Variants in PTPRT observed in about 807,000 individuals in gnomAD.
PTPRT encodes the protein receptor-type tyrosine-protein phosphatase T.
Under a neutral mutation model 176.8 loss-of-function variants are expected in PTPRT, and 56 were observed. The observed-to-expected ratio is 0.32, with a 90% confidence interval of 0.26 to 0.40. The LOEUF (loss-of-function observed/expected upper bound fraction) is 0.40. Among genes scored for constraint, PTPRT ranks in the 10% least tolerant of loss-of-function variants. PTPRT has a pLI of 1.00. For missense variants in PTPRT, 1,540 were observed against 1,908.2 expected (o/e 0.81, Z 3.60); for synonymous variants, 783 against 739.0 (o/e 1.06, Z -0.96).
intron 14 of PTPRT, among the ~76,000 whole-genome samples, chr20:42,246,083 A>G (rs1234024752): frequency 6.6e-6 from 1 of 152,178 alleles, no homozygotes; most frequent in Admixed American, 6.5e-5. Flanking sequence ...TTTGAGGTAG[A>G]TGTAGACAGT....
intron 1 of PTPRT, among the ~76,000 whole-genome samples, chr20:43,061,087 A>AATGGATGGATGGATGG (rs3030304): frequency 1.0e-4 from 15 of 150,024 alleles, no homozygotes; most frequent in African/African-American, 1.7e-4. Context: ...CGGATAAATG[A>AATGGATGGATGGATGG]ATGGATGGAT....
intron 2 of PTPRT, among the ~76,000 whole-genome samples, chr20:42,823,464 C>A (rs1260493418): frequency 1.3e-5 from 2 of 151,992 alleles, no homozygotes; most frequent in African/African-American, 2.4e-5. Flanking sequence ...CACATATACT[C>A]ATGTAACAAA....
intron 6 of PTPRT, among the ~76,000 whole-genome samples, chr20:42,736,711 C>G (rs957014896): frequency 1.3e-5 from 2 of 152,090 alleles, no homozygotes; most frequent in Non-Finnish European, 2.9e-5. Flanking sequence ...GAGAGAGACA[C>G]GGGGTACAAT....
chr20:42,746,030 G>A (rs2076685951), intron 6 of PTPRT, among the ~76,000 whole-genome samples: 1 of 152,178 alleles, frequency 6.6e-6, no homozygotes, highest in African/African-American at 2.4e-5. Context: ...GGAGGGTAAT[G>A]TTCCAAGTGA....
intron 1 of PTPRT, among the ~76,000 whole-genome samples, chr20:43,125,191 G>A (rs2013397428): frequency 6.6e-6 from 1 of 150,534 alleles, no homozygotes; most frequent in African/African-American, 2.4e-5. Flanking sequence ...GTAGAAATGA[G>A]GTTTCATCAT....
intron 5 of PTPRT, among the ~76,000 whole-genome samples, chr20:42,757,447 G>A (rs1249470440): frequency 3.3e-5 from 5 of 152,150 alleles, no homozygotes; most frequent in Non-Finnish European, 2.9e-5. Context: ...GAGGGGATGG[G>A]AGCCTTCCAA....
chr20:42,998,979 C>T (rs993756963), intron 1 of PTPRT, among the ~76,000 whole-genome samples: 2 of 152,158 alleles, frequency 1.3e-5, no homozygotes, highest in Admixed American at 6.5e-5. Context: ...AACCATTTCC[C>T]GTAATAAATC....
intron 5 of PTPRT, among the ~76,000 whole-genome samples, chr20:42,770,467 G>A (rs966947249): frequency 5.9e-5 from 9 of 151,990 alleles, no homozygotes; most frequent in Admixed American, 2.6e-4. Context: ...TCTATGTGTC[G>A]CCCTCTGTCC....
intron 2 of PTPRT, among the ~76,000 whole-genome samples, chr20:42,859,029 TC>T (rs1004047489): frequency 2.3e-4 from 35 of 152,184 alleles, no homozygotes; most frequent in African/African-American, 8.4e-4. Context: ...GGGCTCTTAC[TC>T]TCTCCTTTGT....
intron 2 of PTPRT, among the ~76,000 whole-genome samples, chr20:42,822,215 T>A (rs1471163097): frequency 1.3e-5 from 2 of 151,946 alleles, no homozygotes; most frequent in African/African-American, 4.8e-5. Flanking sequence ...TACAGACCAA[T>A]GGAACAGAAT....
chr20:42,310,644 G>A (rs1227972071), intron 12 of PTPRT, among the ~76,000 whole-genome samples: 13 of 151,806 alleles, frequency 8.6e-5, no homozygotes, highest in African/African-American at 1.2e-4. Context: ...TTGGCTTCTC[G>A]TCTAGACTAG....
chr20:42,363,282 ATATATATATATATATATATTTTTTTT>A (rs1171509878), intron 9 of PTPRT, among the ~76,000 whole-genome samples: 29 of 16,054 alleles, frequency 1.8e-3, no homozygotes, highest in African/African-American at 8.3e-3. Context: ...ATATATATAT[ATATATATATATATATATATTTTTTTT>A]TTTTTTTTTT....
intron 7 of PTPRT, among the ~76,000 whole-genome samples, chr20:42,605,482 G>T (rs769196059): frequency 1.3e-5 from 2 of 152,178 alleles, no homozygotes; most frequent in Non-Finnish European, 2.9e-5. Flanking sequence ...AAGGTCAAGG[G>T]CTAGATGAGT....
chr20:43,046,491 C>T (rs1986844455), intron 1 of PTPRT, among the ~76,000 whole-genome samples: 1 of 151,862 alleles, frequency 6.6e-6, no homozygotes. Flanking sequence ...ATGGCGTGAA[C>T]CCGGGAGGCG....
At chr20:42,426,039 T>G (rs2059160393) in intron 9 of PTPRT, among the ~76,000 whole-genome samples, 1 of 152,124 alleles carries the variant, frequency 6.6e-6, no homozygotes, top group South Asian at 2.1e-4. Context: ...AAGAGCTGTA[T>G]GGTTCGTGAA....
intron 6 of PTPRT, among the ~76,000 whole-genome samples, chr20:42,695,271 T>C (rs2075856959): frequency 6.6e-6 from 1 of 152,194 alleles, no homozygotes; most frequent in Admixed American, 6.5e-5. Context: ...AATCATGCTT[T>C]TGATGTCAGG....
At chr20:42,961,488 G>A (rs888494210) in intron 1 of PTPRT, among the ~76,000 whole-genome samples, 1 of 152,262 alleles carries the variant, frequency 6.6e-6, no homozygotes, top group Non-Finnish European at 1.5e-5. Flanking sequence ...CTGGAAGGAA[G>A]TAGAATGAGT....
At chr20:42,482,617 T>G (rs999041553) in intron 7 of PTPRT, among the ~76,000 whole-genome samples, 8 of 152,088 alleles carry the variant, frequency 5.3e-5, no homozygotes, top group African/African-American at 1.9e-4. Flanking sequence ...CAGAAAAGTA[T>G]GTAACACATC....
intron 2 of PTPRT, among the ~76,000 whole-genome samples, chr20:42,796,474 G>A (rs1218580690): frequency 2.0e-5 from 3 of 152,156 alleles, no homozygotes; most frequent in Non-Finnish European, 2.9e-5. Flanking sequence ...AACTCCAGTA[G>A]GGAACAAGTA....
Sources: allele counts gnomAD v4.1 joint callset (sites outside exome capture counted in the v4.1 genomes callset), GRCh38; gene constraint gnomAD v4.1.1; transcripts MANE v1.5; gene names NCBI Gene and HGNC (gene_info 2026-07-23, HGNC 2026-07-21).